The following LRP6 variants were observed in gnomAD, a reference collection of about 807,000 sequenced individuals.
The protein encoded by LRP6 is low-density lipoprotein receptor-related protein 6.
In LRP6, 43 loss-of-function variants were observed where a neutral mutation model predicts 184.1. The ratio of observed to expected loss-of-function variants is 0.23; its 90% CI spans 0.18 to 0.30. LRP6 has a LOEUF of 0.30. Among genes scored for constraint, LRP6 ranks in the 10% least tolerant of loss-of-function variants. The pLI, the probability that LRP6 is intolerant of heterozygous loss-of-function variation, is 1.00. For synonymous variants in LRP6, 719 were observed against 684.9 expected (o/e 1.05, Z -0.78); for missense variants, 1,571 against 2,005.3 (o/e 0.78, Z 4.14).
chr12:12,221,423 C>A (rs1239065993), intron 2 of LRP6, among the ~76,000 whole-genome samples: 1 of 152,148 alleles, frequency 6.6e-6, no homozygotes, highest in Admixed American at 6.5e-5. Flanking sequence ...ATGCACCTCC[C>A]CCCTCTTCCC....
intron 2 of LRP6, among the ~76,000 whole-genome samples, chr12:12,212,232 CA>C (rs1334928234): frequency 6.6e-6 from 1 of 152,124 alleles, no homozygotes; most frequent in African/African-American, 2.4e-5. Context: ...AGTCAGCACT[CA>C]AATATTTAAT....
chr12:12,231,036 C>A lies in LRP6; in HGVS notation c.449+13226G>T, dbSNP rs555125821. Among the ~76,000 whole-genome samples, 3 of 151,858 alleles carry A rather than the reference C, an allele frequency of 2.0e-5. No individual in the cohort carries two copies. In the East Asian group the frequency reaches 5.8e-4, roughly 29 times the overall value. On this transcript the variant is annotated intron_variant, in intron 2 of 22. Coordinates refer to ENST00000261349, the MANE Select transcript of LRP6 (RefSeq NM_002336.3). ...TCTCTACTAAAAATACAAAAATTAG[C>A]CGGGTGTGATGGCAGGCGCCTGTAA...
At chr12:12,263,227 T>C (rs1865665444) in intron 1 of LRP6, among the ~76,000 whole-genome samples, 2 of 146,678 alleles carry the variant, frequency 1.4e-5, no homozygotes, top group African/African-American at 5.1e-5. Context: ...ATCATGCCAT[T>C]GCACTCTAGC....
intron 11 of LRP6, 86 bp downstream of exon 11, chr12:12,159,694 A>T: frequency 7.8e-7 from 1 of 1,282,384 alleles, no homozygotes; most frequent in Non-Finnish European, 1.1e-6. Flanking sequence ...AAGTTGTATT[A>T]AAAGTATCTA....
chr12:12,252,405 A>G (rs1865345039), intron 1 of LRP6, among the ~76,000 whole-genome samples: 1 of 152,248 alleles, frequency 6.6e-6, no homozygotes, highest in Non-Finnish European at 1.5e-5. Context: ...TATTTGATCA[A>G]ACGTTATGGG....
intron 3 of LRP6, among the ~76,000 whole-genome samples, chr12:12,188,859 T>C (rs1362950005): frequency 1.3e-5 from 2 of 152,206 alleles, no homozygotes; most frequent in Non-Finnish European, 2.9e-5. Context: ...AACAGGCCTG[T>C]ATATTTCACA....
intron 7 of LRP6, among the ~76,000 whole-genome samples, chr12:12,179,122 G>A (rs1863268227): frequency 6.6e-6 from 1 of 152,034 alleles, no homozygotes; most frequent in Admixed American, 6.6e-5. Context: ...ACCAATATCA[G>A]GGATATAGGC....
chr12:12,209,308 A>G (rs951206331), intron 2 of LRP6, among the ~76,000 whole-genome samples: 16 of 152,242 alleles, frequency 1.1e-4, no homozygotes, highest in Admixed American at 9.2e-4. Context: ...AAATGTTACA[A>G]ATGAGTGAGT....
At chr12:12,124,234 G>A (rs570754160) in intron 22 of LRP6, among the ~76,000 whole-genome samples, 3 of 152,286 alleles carry the variant, frequency 2.0e-5, no homozygotes, top group Admixed American at 6.5e-5. Flanking sequence ...TTAGCTGGGC[G>A]TGGTAGCGCA....
intron 11 of LRP6, 108 bp downstream of exon 11, chr12:12,159,672 C>T: frequency 1.0e-6 from 1 of 1,003,006 alleles, no homozygotes; most frequent in East Asian, 2.5e-5. Flanking sequence ...GAAGAATGGA[C>T]ACATTCATAT....
intron 2 of LRP6, among the ~76,000 whole-genome samples, chr12:12,206,169 ACT>A (rs1277902905): frequency 1.3e-5 from 2 of 152,178 alleles, no homozygotes; most frequent in Admixed American, 1.3e-4. Flanking sequence ...TGATGAAATC[ACT>A]CAACATTTCT....
chr12:12,257,023 AT>A (rs903998767), intron 1 of LRP6, among the ~76,000 whole-genome samples: 9 of 152,318 alleles, frequency 5.9e-5, no homozygotes, highest in Non-Finnish European at 1.2e-4. Context: ...AAGGCCACAT[AT>A]TTTATTCCAT....
intron 22 of LRP6, among the ~76,000 whole-genome samples, chr12:12,124,300 G>A (rs1474741646): frequency 2.0e-5 from 3 of 152,182 alleles, no homozygotes; most frequent in African/African-American, 7.2e-5. Context: ...TTGAACCTGG[G>A]AGGCGGAGGT....
intron 20 of LRP6, 149 bp from the exon 21 acceptor site, chr12:12,125,581 T>C: frequency 1.3e-6 from 1 of 761,158 alleles, no homozygotes; most frequent in South Asian, 1.7e-5. Flanking sequence ...ATTGAAAACA[T>C]TTAATGGAGA....
chr12:12,150,013 G>T (rs757291961), intron 13 of LRP6, among the ~76,000 whole-genome samples: 3 of 151,922 alleles, frequency 2.0e-5, no homozygotes. Context: ...TACCTCCTTG[G>T]TCTTTATTTT....
intron 2 of LRP6, among the ~76,000 whole-genome samples, chr12:12,220,681 C>T (rs894390849): frequency 6.6e-5 from 10 of 151,362 alleles, no homozygotes; most frequent in Non-Finnish European, 4.4e-5. Flanking sequence ...TCACTGCAAC[C>T]TCCACCTCCT....
In LRP6 at chr12:12,148,987, C is replaced by T; in HGVS notation, c.3161G>A (p.Gly1054Asp). ...AACGGCTCGAGGTCTGTCCTGCTCG[C>T]CTTTCAGCACCACTCCAACTGATCT... ...DGRSVGVVLK[G>D]EQDRPRAVVV... The change falls in exon 14 of 23, where the codon GGC becomes GAC. Residue 1054 changes from glycine (G) to aspartate (D), a missense_variant. Gly to Asp is a moderately conservative substitution (Grantham distance 94, BLOSUM62 -1). Transcript: ENST00000261349. The T allele has an allele frequency of 2.5e-6, 4 of 1,613,940 alleles. No homozygotes were observed. Among genetic ancestry groups the T allele is most frequent in the Non-Finnish European group, 3.4e-6 (4 of 1,179,974 alleles).
At chr12:12,262,245 G>A (rs773376264) in intron 1 of LRP6, among the ~76,000 whole-genome samples, 2 of 152,192 alleles carry the variant, frequency 1.3e-5, no homozygotes, top group Non-Finnish European at 2.9e-5. Context: ...CGGGCATGGT[G>A]GTGTGAGCCT....
chr12:12,131,411 T>C (rs1270750290), intron 18 of LRP6, among the ~76,000 whole-genome samples: 2 of 152,166 alleles, frequency 1.3e-5, no homozygotes, highest in Non-Finnish European at 2.9e-5. Context: ...CCCGGCTTAT[T>C]CTTTACATTA....
Sources: allele counts gnomAD v4.1 joint callset (sites outside exome capture counted in the v4.1 genomes callset), GRCh38; gene constraint gnomAD v4.1.1; transcripts MANE v1.5; gene names NCBI Gene and HGNC (gene_info 2026-07-23, HGNC 2026-07-21).